Variants in WWP2 observed in about 807,000 individuals in gnomAD.
WWP2 encodes WW domain containing E3 ubiquitin protein ligase 2, also known as NEDD4-like E3 ubiquitin-protein ligase WWP2.
WWP2 carries 57 observed loss-of-function variants against 121.0 expected under a neutral mutation model. The observed-to-expected ratio is 0.47, with a 90% CI of 0.38 to 0.59. WWP2 has a LOEUF of 0.59. Ranked by LOEUF, WWP2 falls within the 20% of genes least tolerant of loss-of-function variation. WWP2 has a pLI of 0.00. For missense variants in WWP2, 962 were observed against 1,158.9 expected (o/e 0.83, Z 2.47); for synonymous variants, 449 against 441.3 (o/e 1.02, Z -0.22).
Position 69,931,226 on chromosome 16 carries a change from A to G in WWP2, c.1520A>G (p.His507Arg). Reference protein sequence around the residue: ...WKYHQFRFLCHSNALPSHVKI... With the variant: ...WKYHQFRFLCRSNALPSHVKI... ...TATCACCAGTTCCGTTTCCTCTGCC[A>G]TGTGAGTTCTGGTACTGGGGCTCCC... Residue 507 changes from histidine (H) to arginine (R), a missense_variant and splice_region_variant, in exon 14 of 24, where the codon CAT (histidine) becomes CGT (arginine). Physicochemically the swap from His to Arg is conservative, Grantham distance 29 (BLOSUM62 0). Transcript: ENST00000359154. 1 of 1,614,130 alleles carries G rather than the reference A, an allele frequency of 6.2e-7. No homozygotes were observed. The highest frequency in any genetic ancestry group is 8.5e-7 in the Non-Finnish European group (1 of 1,180,022).
chr16:69,904,440 C>T (rs2058255514), intron 8 of WWP2, among the ~76,000 whole-genome samples: 1 of 151,138 alleles, frequency 6.6e-6, no homozygotes, highest in Non-Finnish European at 1.5e-5. Context: ...GTGATCACGG[C>T]TCACTGCAGC....
At chr16:69,764,292 C>G (rs1380216047) in intron 1 of WWP2, among the ~76,000 whole-genome samples, 1 of 152,140 alleles carries the variant, frequency 6.6e-6, no homozygotes, top group African/African-American at 2.4e-5. Flanking sequence ...CTTGACCTGC[C>G]TGGGCTCGGG....
At chr16:69,862,799 C>T (rs1161702573) in intron 6 of WWP2, among the ~76,000 whole-genome samples, 1 of 142,048 alleles carries the variant, frequency 7.0e-6, no homozygotes, top group East Asian at 2.1e-4. Context: ...GATCACAGCT[C>T]ACTGCGGCCT....
At chr16:69,820,668 C>T (rs971277159) in intron 4 of WWP2, among the ~76,000 whole-genome samples, 1 of 132,428 alleles carries the variant, frequency 7.6e-6, no homozygotes, top group African/African-American at 2.5e-5. Flanking sequence ...GCTTTATTTT[C>T]TTGTAAGCGG....
intron 6 of WWP2, among the ~76,000 whole-genome samples, chr16:69,857,746 C>T (rs1279492125): frequency 3.4e-5 from 5 of 149,170 alleles, no homozygotes; most frequent in Middle Eastern, 3.4e-3. Flanking sequence ...ACTGCAGCCT[C>T]GACCTCCCAG....
intron 4 of WWP2, among the ~76,000 whole-genome samples, chr16:69,811,522 A>T (rs747854529): frequency 6.6e-6 from 1 of 152,036 alleles, no homozygotes; most frequent in Non-Finnish European, 1.5e-5. Flanking sequence ...CTGAGGTGGG[A>T]GGCCCTCTTG....
intron 1 of WWP2, among the ~76,000 whole-genome samples, chr16:69,783,780 T>TACAACAACAACAACAACAACAACAACA (rs55923742): frequency 8.0e-5 from 12 of 149,830 alleles, no homozygotes; most frequent in Admixed American, 3.4e-4. Flanking sequence ...ACCTTGTTTC[T>TACAACAACAACAACAACAACAACAACA]ACAACAACAA....
In WWP2 at chr16:69,787,022, C is replaced by T; in HGVS notation, c.12C>T (p.Ala4=). 1 of 1,612,198 alleles carries T rather than the reference C, an allele frequency of 6.2e-7. No homozygotes were observed. The highest frequency in any genetic ancestry group is 8.5e-7 in the Non-Finnish European group (1 of 1,179,330). MAS[A]SSSRAGVALP... is the part of the protein sequence containing the mutation. ...TTCACGGTGATGATATGGCATCTGC[C>T]AGCTCTAGCCGGGCAGGAGTGGCCC... Residue 4 remains alanine (A), a synonymous_variant, in exon 2 of 24, where the codon GCC becomes GCT. Coordinates refer to ENST00000359154, the MANE Select transcript of WWP2 (RefSeq NM_001270454.2).
At chr16:69,851,854 G>C (rs565883319) in intron 6 of WWP2, among the ~76,000 whole-genome samples, 1 of 152,026 alleles carries the variant, frequency 6.6e-6, no homozygotes, top group East Asian at 1.9e-4. Flanking sequence ...GTGGTAGTGC[G>C]CTCCTGGAGT....
At chr16:69,850,849 G>A (rs1477019760) in intron 6 of WWP2, among the ~76,000 whole-genome samples, 1 of 151,534 alleles carries the variant, frequency 6.6e-6, no homozygotes, top group Non-Finnish European at 1.5e-5. Context: ...AATCTGCCGT[G>A]TTTTTTTTAG....
chr16:69,798,746 G>T lies in WWP2; in HGVS notation c.135G>T (p.Ala45=), dbSNP rs773235587. Residue 45 remains alanine (A), a synonymous_variant, in exon 3 of 24, where the codon GCG becomes GCT. Coordinates refer to ENST00000359154, the MANE Select transcript of WWP2 (RefSeq NM_001270454.2). ...GAATTAACTCCTACGTGGAGGTGGC[G>T]GTGGATGGACTCCCCAGTGAGACCA... The part of the protein sequence containing the change: ...QPRINSYVEV[A]VDGLPSETKK... 4 of 1,614,070 alleles carry T rather than the reference G, an allele frequency of 2.5e-6. No individual in the cohort carries two copies. Among genetic ancestry groups the T allele is most frequent in the Non-Finnish European group, 3.4e-6 (4 of 1,180,004 alleles).
At position 69,930,169 on chromosome 16, in the gene WWP2, G is replaced by T; in HGVS notation, c.1356G>T (p.Met452Ile). 1 of 1,614,106 alleles carries T rather than the reference G, an allele frequency of 6.2e-7. No homozygotes were observed. The highest frequency in any genetic ancestry group is 8.5e-7 in the Non-Finnish European group (1 of 1,179,986). ...CAGCTCTGCCCCCAGGATGGGAGATGAAATACACCAGCGAGGGGGTGCGAT... is the reference window on the plus strand; with the variant it reads ...CAGCTCTGCCCCCAGGATGGGAGATTAAATACACCAGCGAGGGGGTGCGAT... ...QEPALPPGWE[M>I]KYTSEGVRYF... The change falls in exon 13 of 24, where the codon ATG (methionine) becomes ATT (isoleucine). Residue 452 changes from methionine to isoleucine, a missense_variant. Coordinates refer to ENST00000359154, the MANE Select transcript of WWP2 (RefSeq NM_001270454.2).
chr16:69,917,404 G>A (rs1445370539), intron 9 of WWP2, among the ~76,000 whole-genome samples: 4 of 152,312 alleles, frequency 2.6e-5, no homozygotes, highest in Admixed American at 1.3e-4. Context: ...CCTGAGATTG[G>A]CTGTGGCTGG....
chr16:69,850,351 C>CA (rs1370349941), intron 6 of WWP2, among the ~76,000 whole-genome samples: 1 of 147,786 alleles, frequency 6.8e-6, no homozygotes, highest in Non-Finnish European at 1.5e-5. Flanking sequence ...CACACCACTG[C>CA]ACTCCAGCCT....
In WWP2 at chr16:69,768,780, A is replaced by G. The variant is rs569847898; in HGVS notation, c.-16+6389A>G. On this transcript the variant is annotated intron_variant, in intron 1 of 23. Transcript: ENST00000359154. ...AGCCTGTAATTCCACGGGGCTTCCA[A>G]TAGTGTACCTCCCTGCTCCCTCCCG... Among the ~76,000 whole-genome samples, 105 of 152,186 alleles carry G rather than the reference A, an allele frequency of 6.9e-4. 1 individual carries two copies. Among genetic ancestry groups the G allele is most frequent in the African/African-American group, 2.5e-3 (102 of 41,504 alleles).
rs2058623425 is a variant in WWP2 at position 69,925,271 on chromosome 16, T to C, written c.1180-159T>C. The C allele has an allele frequency of 6.9e-6, 10 of 1,447,250 alleles. No individual in the cohort carries two copies. In the Admixed American group the frequency reaches 1.2e-4, roughly 17 times the overall value. The allele number at this position is 1,447,250 out of a possible 1,614,324, so 89.7% of individuals were successfully genotyped here. On this transcript the variant is annotated intron_variant, in intron 10 of 23. Transcript: ENST00000359154. The surrounding 1 kb of genome is among the most constrained non-coding windows in gnomAD (Gnocchi z 4.0). ...AAATCAAAACAAAAAACAGAGACTTTTGAGAGGAGCAGATGCCACCTAAAG... is the reference window on the plus strand; with the variant it reads ...AAATCAAAACAAAAAACAGAGACTTCTGAGAGGAGCAGATGCCACCTAAAG...
chr16:69,844,671 T>C (rs1053527299), intron 6 of WWP2, among the ~76,000 whole-genome samples: 2 of 152,230 alleles, frequency 1.3e-5, no homozygotes, highest in South Asian at 2.1e-4. Flanking sequence ...CAACAGGAAA[T>C]CGGATGCATT....
intron 7 of WWP2, among the ~76,000 whole-genome samples, chr16:69,887,541 G>C (rs542710324): frequency 7.9e-5 from 12 of 152,254 alleles, no homozygotes; most frequent in Admixed American, 5.2e-4. Flanking sequence ...AACTAGCTGG[G>C]ATTATAGGTG....
chr16:69,767,175 T>A (rs562443982), intron 1 of WWP2, among the ~76,000 whole-genome samples: 6 of 152,204 alleles, frequency 3.9e-5, no homozygotes, highest in Non-Finnish European at 7.3e-5. Flanking sequence ...TAGTCTGGCT[T>A]CCTGGGTTGG....
Sources: gnomAD v4.1 joint callset for allele counts (sites outside exome capture counted in the v4.1 genomes callset) on GRCh38, gnomAD v4.1.1 for gene constraint, Gnocchi (gnomAD v3.1) non-coding constraint, MANE v1.5 for transcripts, NCBI Gene and HGNC (gene_info 2026-07-23, HGNC 2026-07-21) for gene names.